ZNF256: variants seen among roughly 807,000 people sequenced by gnomAD.
The protein encoded by ZNF256 is bone marrow zinc finger 3.
Under a neutral mutation model 7.9 loss-of-function variants are expected in ZNF256, and 4 were observed. The observed-to-expected ratio is 0.50, with a 90% CI of 0.25 to 1.15. ZNF256 has a LOEUF of 1.15. Ranked by LOEUF, ZNF256 falls within the 50% of genes most tolerant of loss-of-function variation. The pLI is 0.15. For missense variants in ZNF256, 666 were observed against 755.9 expected, an observed-to-expected ratio of 0.88 and a Z score of 1.39; for synonymous variants, 260 against 260.4, an observed-to-expected ratio of 1.00 and a Z score of 0.02.
In ZNF256 at chr19:57,947,688, G is replaced by A. The variant is rs137993544; in HGVS notation, c.-214C>T. 537 of 434,706 alleles carry A rather than the reference G, an allele frequency of 1.2e-3. 2 individuals are homozygous for A. Among genetic ancestry groups the A allele is most frequent in the African/African-American group, 9.0e-3 (443 of 49,350 alleles). The allele number at this position is 434,706 out of a possible 1,614,324, so 26.9% of individuals were successfully genotyped here. On this transcript the variant is annotated 5_prime_UTR_variant, in exon 1 of 3. Transcript: ENST00000282308. ...ACAAATGCCAAAACGACCGCCACAA[G>A]GAGGACAACGGAAGTCCCGCCGCGA...
chr19:57,941,063 T>A lies in ZNF256; in HGVS notation c.1745A>T (p.Lys582Ile), dbSNP rs757441485. 1 of 1,614,172 alleles carries A rather than the reference T, an allele frequency of 6.2e-7. No individual in the cohort carries two copies. Among genetic ancestry groups the A allele is most frequent in the South Asian group, 1.1e-5 (1 of 91,082 alleles). The change falls in exon 3 of 3, where the codon AAA becomes ATA. Residue 582 changes from lysine (K) to isoleucine (I), a missense_variant. Coordinates refer to ENST00000282308, the MANE Select transcript of ZNF256 (RefSeq NM_005773.3). ...ERPYECSECG[K>I]SFSQSSNLTN... ...GAGGTTAGAGCTCTGGCTAAAGGAT[T>A]TTCCACATTCACTGCATTCATAAGG...
intron 2 of ZNF256, among the ~76,000 whole-genome samples, chr19:57,942,879 A>G (rs900513443): frequency 1.3e-5 from 2 of 152,228 alleles, no homozygotes; most frequent in South Asian, 4.1e-4. Flanking sequence ...GATGAGAAAC[A>G]TGGAGAAGAG....
In ZNF256 at chr19:57,943,936, A is replaced by T. The variant is rs1049268302; in HGVS notation, c.158T>A (p.Leu53Gln). 3 of 1,613,834 alleles carry T rather than the reference A, an allele frequency of 1.9e-6. No homozygotes were observed. In the African/African-American group the frequency reaches 4.0e-5, roughly 22 times the overall value. The part of the protein sequence containing the change: ...MLENLTLTTS[L>Q]GGSGAGDEEA... ...AGAGGTGGGTGTGAGGACCTTACCC[A>T]GGGAGGTTGTAAGTGTCAAGTTCTC... Residue 53 changes from leucine to glutamine, a missense_variant and splice_region_variant, in exon 2 of 3, where the codon CTG (leucine) becomes CAG (glutamine). Physicochemically the swap from Leu to Gln is moderately radical, Grantham distance 113. Transcript: ENST00000282308.
intron 1 of ZNF256, 131 bp from the exon 2 acceptor site, chr19:57,944,191 G>A (rs2072750509): frequency 3.0e-6 from 4 of 1,355,094 alleles, no homozygotes; most frequent in South Asian, 1.3e-5. Flanking sequence ...AGAGGAGAAA[G>A]CAGTCAGCTG....
chr19:57,941,748 T>C lies in ZNF256; in HGVS notation c.1060A>G (p.Ser354Gly), dbSNP rs1182070498. The C allele has an allele frequency of 6.2e-7, 1 of 1,614,014 alleles. No individual in the cohort carries two copies. Among genetic ancestry groups the C allele is most frequent in the Non-Finnish European group, 8.5e-7 (1 of 1,180,014 alleles). Residue 354 changes from serine (S) to glycine (G), a missense_variant, in exon 3 of 3, where the codon AGT becomes GGT. Physicochemically the swap from Ser to Gly is moderately conservative, Grantham distance 56. Transcript: ENST00000282308. The part of the protein sequence containing the change: ...IHTGMRPYEC[S>G]ECGKSFIHSS... Reference sequence around the variant, plus strand: ...TGGATAAAAGATTTCCCACATTCACTGCACTCATAAGGCCTCATTCCAGTA... The same window carrying C: ...TGGATAAAAGATTTCCCACATTCACCGCACTCATAAGGCCTCATTCCAGTA...
Position 57,941,766 on chromosome 19 carries a change from T to G in ZNF256, c.1042A>C (p.Met348Leu), listed in dbSNP as rs201526115. Residue 348 changes from methionine (M) to leucine (L), a missense_variant, in exon 3 of 3, where the codon ATG becomes CTG. By Grantham distance (15) the Met-to-Leu change is conservative (BLOSUM62 2). Coordinates refer to ENST00000282308, the MANE Select transcript of ZNF256 (RefSeq NM_005773.3). ...LITHQRIHTGMRPYECSECGK... is the reference protein window; with the variant it reads ...LITHQRIHTGLRPYECSECGK... ...CATTCACTGCACTCATAAGGCCTCA[T>G]TCCAGTATGAATTCTCTGGTGTGTA... The G allele has an allele frequency of 5.3e-5, 85 of 1,613,160 alleles. No homozygotes were observed. The highest frequency in any genetic ancestry group is 2.7e-5 in the African/African-American group (2 of 74,624).
At position 57,942,170 on chromosome 19, in the gene ZNF256, C is replaced by T; in HGVS notation, c.638G>A (p.Trp213Ter). ...GCTGAAAGCTTTCACACATTCTCCC[C>T]AGTTGTAATGATTTTTTACACTGTG... is the stretch of plus-strand genomic sequence containing the variant. ...AFHSVKNHYN[W>*]GECVKAFSYK... is the part of the protein sequence containing the mutation. Residue 213 changes from tryptophan (W) to a stop codon, truncating the protein, a stop_gained, in exon 3 of 3, where the codon TGG becomes TAG. Coordinates refer to ENST00000282308, the MANE Select transcript of ZNF256 (RefSeq NM_005773.3). LOFTEE classifies it low-confidence loss of function (END_TRUNC). 2 of 1,614,218 alleles carry T rather than the reference C, an allele frequency of 1.2e-6. No individual in the cohort carries two copies. The highest frequency in any genetic ancestry group is 1.7e-6 in the Non-Finnish European group (2 of 1,180,042).
chr19:57,943,325 G>A (rs1000412719), intron 2 of ZNF256, among the ~76,000 whole-genome samples: 1 of 152,094 alleles, frequency 6.6e-6, no homozygotes, highest in Non-Finnish European at 1.5e-5. Context: ...TTAGTCCCTA[G>A]GGCCAGGCTC....
rs759521012 is a variant in ZNF256, at chr19:57,941,335, A to G, written c.1473T>C (p.Tyr491=). 3.7e-6 allele frequency: 6 copies of G among 1,614,002 alleles called. No homozygotes were observed. Among genetic ancestry groups the G allele is most frequent in the Non-Finnish European group, 5.1e-6 (6 of 1,180,000 alleles). The change falls in exon 3 of 3, where the codon TAT becomes TAC. Residue 491 remains tyrosine (Y), a synonymous_variant. Transcript: ENST00000282308. ...ATGATTTCCCACACTCCCCACATTC[A>G]TAAGGCCTTGCTCCAGTATGAACTT... ...HWKVHTGARP[Y]ECGECGKSFT... is the part of the protein sequence containing the mutation.
At chr19:57,947,041 T>C (rs971624965) in intron 1 of ZNF256, among the ~76,000 whole-genome samples, 4 of 152,156 alleles carry the variant, frequency 2.6e-5, no homozygotes, top group African/African-American at 7.2e-5. Flanking sequence ...GGGTGGGAGT[T>C]AGGGCTAGTG....
chr19:57,947,045 G>A (rs1312858238), intron 1 of ZNF256, among the ~76,000 whole-genome samples: 2 of 152,224 alleles, frequency 1.3e-5, no homozygotes, highest in Non-Finnish European at 2.9e-5. Context: ...GGGAGTTAGG[G>A]CTAGTGAGAG....
chr19:57,945,824 G>A (rs1200515058), intron 1 of ZNF256, among the ~76,000 whole-genome samples: 1 of 152,104 alleles, frequency 6.6e-6, no homozygotes, highest in Non-Finnish European at 1.5e-5. Context: ...CCATCCCCTT[G>A]AGAGTCATAT....
chr19:57,942,985 G>T (rs139970890), intron 2 of ZNF256, among the ~76,000 whole-genome samples: 18 of 152,314 alleles, frequency 1.2e-4, no homozygotes, highest in African/African-American at 3.4e-4. Context: ...CCAGGCCCAA[G>T]AAAATGTGAC....
chr19:57,943,015 T>C (rs867533437), intron 2 of ZNF256, among the ~76,000 whole-genome samples: 3 of 152,150 alleles, frequency 2.0e-5, no homozygotes, highest in Non-Finnish European at 4.4e-5. Context: ...GCGGCTGACA[T>C]ACGTGGACAC....
rs1485713760 is a variant in ZNF256, at chr19:57,941,035, A to T, written c.1773T>A (p.Thr591=). The change falls in exon 3 of 3, where the codon ACT becomes ACA. Residue 591 remains threonine, a synonymous_variant. Coordinates refer to ENST00000282308, the MANE Select transcript of ZNF256 (RefSeq NM_005773.3). ...GKSFSQSSNL[T]NHQRIHSGER... ...CCCCACTGTGAATTCGCTGGTGATT[A>T]GTGAGGTTAGAGCTCTGGCTAAAGG... is the stretch of plus-strand genomic sequence containing the variant. 6.2e-7 allele frequency: 1 copy of T among 1,614,110 alleles called. No individual in the cohort carries two copies.
chr19:57,941,511 T>G lies in ZNF256; in HGVS notation c.1297A>C (p.Arg433=). Residue 433 remains arginine (R), a synonymous_variant, in exon 3 of 3, where the codon AGA becomes CGA. Transcript: ENST00000282308. ...FQHQRVHTGV[R]SHECHECGKL... is the part of the protein sequence containing the mutation. ...CCACATTCATGACATTCATGAGATC[T>G]TACTCCAGTATGAACTCTCTGGTGT... 6.2e-7 allele frequency: 1 copy of G among 1,614,146 alleles called. No homozygotes were observed. The highest frequency in any genetic ancestry group is 8.5e-7 in the Non-Finnish European group (1 of 1,180,036).
Position 57,947,453 on chromosome 19 carries a change from C to T in ZNF256, c.22G>A (p.Ala8Thr). 1 of 1,249,040 alleles carries T rather than the reference C, an allele frequency of 8.0e-7. No homozygotes were observed. Among genetic ancestry groups the T allele is most frequent in the Non-Finnish European group, 1.0e-6 (1 of 988,488 alleles). 77.4% of individuals were successfully genotyped at this position (1,249,040 alleles called of 1,614,324 possible). A position where few individuals can be genotyped will look rare whatever the true frequency, so the allele number is the denominator to read the frequency against. MAAAELT[A>T]PAQGIVTFED... ...GACGCGGCACATACCTGGGCCGGGG[C>T]CGTCAGCTCGGCCGCCGCCATCTGA... is the stretch of plus-strand genomic sequence containing the variant. Residue 8 changes from alanine to threonine, a missense_variant, in exon 1 of 3, where the codon GCC becomes ACC. Coordinates refer to ENST00000282308, the MANE Select transcript of ZNF256 (RefSeq NM_005773.3).
intron 2 of ZNF256, among the ~76,000 whole-genome samples, chr19:57,943,172 G>T (rs1276020658): frequency 6.6e-6 from 1 of 152,210 alleles, no homozygotes. Flanking sequence ...CAGCTGACAA[G>T]CAAGCTAAGT....
intron 1 of ZNF256, among the ~76,000 whole-genome samples, chr19:57,945,384 C>A (rs1346263335): frequency 6.6e-6 from 1 of 151,990 alleles, no homozygotes. Flanking sequence ...TTGAATAACT[C>A]AAAAAATTGA....
Sources: gnomAD v4.1 joint callset for allele counts (sites outside exome capture counted in the v4.1 genomes callset) on GRCh38, gnomAD v4.1.1 for gene constraint, MANE v1.5 for transcripts, NCBI Gene and HGNC (gene_info 2026-07-23, HGNC 2026-07-21) for gene names.